The following HS2ST1 variants were observed in gnomAD, a reference collection of about 807,000 sequenced individuals.
The protein encoded by HS2ST1 is 2-O-sulfotransferase.
Under a neutral mutation model 42.9 loss-of-function variants are expected in HS2ST1, and 18 were observed. The ratio of observed to expected loss-of-function variants is 0.42; its 90% CI spans 0.29 to 0.62. The LOEUF (loss-of-function observed/expected upper bound fraction) is 0.62. Ranked by LOEUF, HS2ST1 falls within the 20% of genes least tolerant of loss-of-function variation. HS2ST1 has a pLI of 0.21. For synonymous variants in HS2ST1, 146 were observed against 152.9 expected, an observed-to-expected ratio of 0.95 and a Z score of 0.33; for missense variants, 334 against 433.8, an observed-to-expected ratio of 0.77 and a Z score of 2.04.
At chr1:87,100,002 G>T (rs1459367620) in intron 5 of HS2ST1, among the ~76,000 whole-genome samples, 1 of 152,214 alleles carries the variant, frequency 6.6e-6, no homozygotes, top group African/African-American at 2.4e-5. Flanking sequence ...CCATGGCTTT[G>T]CAGGGTACAG....
At chr1:87,019,808 TACTTC>T (rs1249537353) in intron 1 of HS2ST1, among the ~76,000 whole-genome samples, 2 of 152,208 alleles carry the variant, frequency 1.3e-5, no homozygotes, top group Non-Finnish European at 1.5e-5. Flanking sequence ...TTTAAACAAG[TACTTC>T]ACTTAATTTC....
chr1:86,941,354 G>A (rs543126242), intron 1 of HS2ST1, among the ~76,000 whole-genome samples: 2 of 147,724 alleles, frequency 1.4e-5, no homozygotes, highest in South Asian at 4.2e-4. Context: ...TATTCTTGGG[G>A]AGGGGCTGCC....
chr1:86,954,042 A>T (rs1057487337), intron 1 of HS2ST1, among the ~76,000 whole-genome samples: 4,548 of 73,010 alleles, frequency 0.062, 36 homozygotes, highest in African/African-American at 0.11. Context: ...GTTTTTTTTA[A>T]AAAAAAAAAA....
At chr1:87,031,463 G>A (rs1650236155) in intron 1 of HS2ST1, among the ~76,000 whole-genome samples, 1 of 152,102 alleles carries the variant, frequency 6.6e-6, no homozygotes, top group East Asian at 1.9e-4. Context: ...TGTGGTCCAC[G>A]GACTGGCTGC....
intron 1 of HS2ST1, among the ~76,000 whole-genome samples, chr1:86,922,867 A>C (rs1394751047): frequency 6.6e-6 from 1 of 152,148 alleles, no homozygotes; most frequent in African/African-American, 2.4e-5. Flanking sequence ...CTGTGAGTTT[A>C]CAGTTTTTAT....
At chr1:87,040,966 C>T (rs1470548806) in intron 1 of HS2ST1, among the ~76,000 whole-genome samples, 1 of 152,048 alleles carries the variant, frequency 6.6e-6, no homozygotes, top group East Asian at 1.9e-4. Context: ...GGAATTTACC[C>T]ATCAGATTCA....
intron 1 of HS2ST1, among the ~76,000 whole-genome samples, chr1:86,982,578 C>T (rs1648628233): frequency 1.3e-5 from 2 of 151,926 alleles, no homozygotes; most frequent in Admixed American, 6.6e-5. Context: ...GCAGTGGCGC[C>T]ATCTCAGCTC....
intron 1 of HS2ST1, among the ~76,000 whole-genome samples, chr1:87,047,364 A>G (rs1208474132): frequency 1.0e-4 from 2 of 19,872 alleles, no homozygotes; most frequent in Non-Finnish European, 2.3e-4. Flanking sequence ...TATACATTTC[A>G]CAAATTTTTT....
At chr1:87,001,135 C>A (rs1238761968) in intron 1 of HS2ST1, among the ~76,000 whole-genome samples, 1 of 152,048 alleles carries the variant, frequency 6.6e-6, no homozygotes, top group Non-Finnish European at 1.5e-5. Flanking sequence ...ATTTTAAAAT[C>A]TTTATTTTTC....
chr1:86,950,922 T>C (rs749872406), intron 1 of HS2ST1, among the ~76,000 whole-genome samples: 3 of 152,130 alleles, frequency 2.0e-5, no homozygotes, highest in Non-Finnish European at 4.4e-5. Context: ...TCCGGCTACA[T>C]GATTGCAATA....
At position 86,930,354 on chromosome 1, in the gene HS2ST1, T is replaced by C. The variant is rs567555418; in HGVS notation, c.124+15194T>C. ...CATTTTAGCTATACCTTTAAAACTTTAAAAAATTCATTTCTTAATGACTTT... is the reference window on the plus strand; with the variant it reads ...CATTTTAGCTATACCTTTAAAACTTCAAAAAATTCATTTCTTAATGACTTT... On this transcript the variant is annotated intron_variant, in intron 1 of 6. Transcript: ENST00000370550. Among the ~76,000 whole-genome samples, 6 of 152,072 alleles carry C rather than the reference T, an allele frequency of 3.9e-5. No individual in the cohort carries two copies. In the South Asian group the frequency reaches 8.3e-4, roughly 21 times the overall value.
At position 86,947,041 on chromosome 1, in the gene HS2ST1, C is replaced by T. The variant is rs147272275; in HGVS notation, c.124+31881C>T. On this transcript the variant is annotated intron_variant, in intron 1 of 6. Coordinates refer to ENST00000370550, the MANE Select transcript of HS2ST1 (RefSeq NM_012262.4). ...AAGACATGAGTATCAGCATGTTTTG[C>T]ACCAGTTTCCTGAGCTCTAGCTACC... Among the ~76,000 whole-genome samples the T allele has an allele frequency of 4.6e-5, 7 of 152,288 alleles. No homozygotes were observed. In the East Asian group the frequency reaches 1.2e-3, roughly 25 times the overall value.
chr1:86,953,013 A>G (rs1243299013), intron 1 of HS2ST1, among the ~76,000 whole-genome samples: 1 of 152,222 alleles, frequency 6.6e-6, no homozygotes, highest in Non-Finnish European at 1.5e-5. Context: ...TTTCATCTAC[A>G]TGGAAAATCT....
intron 5 of HS2ST1, 146 bp downstream of exon 5, chr1:87,098,081 GTTACTT>G: frequency 1.1e-5 from 16 of 1,434,888 alleles, no homozygotes; most frequent in Non-Finnish European, 1.4e-5. Context: ...TAGTTTTGCA[GTTACTT>G]TTAAATGCAT....
chr1:87,017,877 T>C (rs1207519837), intron 1 of HS2ST1, among the ~76,000 whole-genome samples: 1 of 152,198 alleles, frequency 6.6e-6, no homozygotes, highest in Non-Finnish European at 1.5e-5. Context: ...ATCAGAATAT[T>C]CAAATTTTGT....
chr1:87,043,931 C>A (rs1234867534), intron 1 of HS2ST1, among the ~76,000 whole-genome samples: 3 of 151,800 alleles, frequency 2.0e-5, no homozygotes, highest in Non-Finnish European at 4.4e-5. Flanking sequence ...TAGAAAAATG[C>A]TTTTGTATTT....
At chr1:87,086,360 A>G (rs976092554) in intron 3 of HS2ST1, among the ~76,000 whole-genome samples, 2 of 152,148 alleles carry the variant, frequency 1.3e-5, no homozygotes, top group East Asian at 1.9e-4. Context: ...AAAAAAATCT[A>G]TGTATGCATG....
intron 1 of HS2ST1, among the ~76,000 whole-genome samples, chr1:87,025,387 TCTCC>T (rs1650058406): frequency 6.6e-6 from 1 of 152,154 alleles, no homozygotes; most frequent in South Asian, 2.1e-4. Flanking sequence ...TGCTTTCTAG[TCTCC>T]CTCTAGTGTT....
chr1:87,004,032 A>G (rs1328116112), intron 1 of HS2ST1, among the ~76,000 whole-genome samples: 1 of 79,272 alleles, frequency 1.3e-5, no homozygotes, highest in African/African-American at 4.2e-5. Context: ...GGCTAAGGAA[A>G]ATGTTTATGC....
Sources: gnomAD v4.1 joint callset for allele counts (sites outside exome capture counted in the v4.1 genomes callset) on GRCh38, gnomAD v4.1.1 for gene constraint, MANE v1.5 for transcripts, NCBI Gene and HGNC (gene_info 2026-07-23, HGNC 2026-07-21) for gene names.